ARFGEF3: variants seen among roughly 807,000 people sequenced by gnomAD.
The protein encoded by ARFGEF3 is ARFGEF family member 3, also known as brefeldin A-inhibited guanine nucleotide-exchange protein 3.
In ARFGEF3, 96 loss-of-function variants were observed where a neutral mutation model predicts 221.7. The observed-to-expected ratio is 0.43, with a 90% CI of 0.37 to 0.51. ARFGEF3 has a LOEUF of 0.51. Ranked by LOEUF, ARFGEF3 falls within the 20% of genes least tolerant of loss-of-function variation. ARFGEF3 has a pLI of 0.00. For missense variants in ARFGEF3, 2,410 were observed against 2,789.9 expected, an observed-to-expected ratio of 0.86 and a Z score of 3.07; for synonymous variants, 1,145 against 1,126.8, an observed-to-expected ratio of 1.02 and a Z score of -0.32.
intron 4 of ARFGEF3, among the ~76,000 whole-genome samples, chr6:138,229,219 CACTG>C (rs554278610): frequency 1.3e-5 from 2 of 152,292 alleles, no homozygotes; most frequent in East Asian, 3.9e-4. Context: ...TAGAAAATGA[CACTG>C]ACATTTGAGT....
chr6:138,287,075 C>A lies in ARFGEF3; in HGVS notation c.2787C>A (p.Gly929=). 6.4e-7 allele frequency: 1 copy of A among 1,568,560 alleles called. No homozygotes were observed. Among genetic ancestry groups the A allele is most frequent in the Non-Finnish European group, 8.6e-7 (1 of 1,156,290 alleles). The change falls in exon 17 of 34, where the codon GGC becomes GGA. Residue 929 remains glycine, a splice_region_variant and synonymous_variant. Transcript: ENST00000251691. ...AGTCATTGTGTGTCTCCTCTGAAGGCGTTGCTGCTAACTGCGCCTCAGCCC... is the reference window on the plus strand; with the variant it reads ...AGTCATTGTGTGTCTCCTCTGAAGGAGTTGCTGCTAACTGCGCCTCAGCCC... The part of the protein sequence containing the change: ...RKAARLSCAL[G]VAANCASALA...
chr6:138,326,627 C>T (rs6904568), intron 31 of ARFGEF3, among the ~76,000 whole-genome samples: 22,793 of 152,016 alleles, frequency 0.15, 2,957 homozygotes, highest in African/African-American at 0.36. Context: ...CTGGTGAGGT[C>T]GTAGAGAAAA....
chr6:138,258,130 G>C (rs1347486085), intron 10 of ARFGEF3, among the ~76,000 whole-genome samples: 5 of 152,098 alleles, frequency 3.3e-5, no homozygotes, highest in African/African-American at 4.8e-5. Context: ...CCGAGTTACT[G>C]TGCCCAGCTT....
Position 138,308,819 on chromosome 6 carries a change from A to G in ARFGEF3, c.4054A>G (p.Thr1352Ala). Residue 1352 changes from threonine (T) to alanine (A), a missense_variant, in exon 24 of 34, where the codon ACT becomes GCT. Physicochemically the swap from Thr to Ala is moderately conservative, Grantham distance 58. Around this residue, in one of 5 missense-constraint regions of ARFGEF3, gnomAD observed 723 missense variants for 991.9 expected, o/e 0.73. Transcript: ENST00000251691. ...CATCCAGGTCTTTGCTAATGCAGCCACTAGCTACATCATGTGCCTTATGAA... is the reference window on the plus strand; with the variant it reads ...CATCCAGGTCTTTGCTAATGCAGCCGCTAGCTACATCATGTGCCTTATGAA... ...DNIQVFANAA[T>A]SYIMCLMKFV... 1 of 1,614,074 alleles carries G rather than the reference A, an allele frequency of 6.2e-7. No individual in the cohort carries two copies. Among genetic ancestry groups the G allele is most frequent in the Non-Finnish European group, 8.5e-7 (1 of 1,179,908 alleles).
At position 138,168,872 on chromosome 6, in the gene ARFGEF3, A is replaced by G. The variant is rs112594805; in HGVS notation, c.86-1790A>G. Among the ~76,000 whole-genome samples, 747 of 152,288 alleles carry G rather than the reference A, an allele frequency of 4.9e-3. 8 individuals are homozygous for G. The highest frequency in any genetic ancestry group is 0.017 in the African/African-American group (689 of 41,552). On this transcript the variant is annotated intron_variant, in intron 1 of 33. Coordinates refer to ENST00000251691, the MANE Select transcript of ARFGEF3 (RefSeq NM_020340.5). Reference sequence around the variant, plus strand: ...CTTCCTGGCGTTTATCATGCTTTGAAATGAGAATGTGCACTCCATGAATTC... The same window carrying G: ...CTTCCTGGCGTTTATCATGCTTTGAGATGAGAATGTGCACTCCATGAATTC...
At chr6:138,185,995 CACTT>C in intron 2 of ARFGEF3, among the ~76,000 whole-genome samples, 1 of 152,308 alleles carries the variant, frequency 6.6e-6, no homozygotes, top group Non-Finnish European at 1.5e-5. Flanking sequence ...GTGATAAAAT[CACTT>C]GCTTGAGGTC....
chr6:138,243,849 T>C (rs1306893425), intron 7 of ARFGEF3, among the ~76,000 whole-genome samples: 2 of 152,190 alleles, frequency 1.3e-5, no homozygotes, highest in Non-Finnish European at 2.9e-5. Flanking sequence ...TAGAGTTGTT[T>C]CACTAGAGTA....
chr6:138,177,361 C>T (rs907066486), intron 2 of ARFGEF3, among the ~76,000 whole-genome samples: 1 of 152,114 alleles, frequency 6.6e-6, no homozygotes, highest in Non-Finnish European at 1.5e-5. Flanking sequence ...TCAAGTGATT[C>T]ACCTGCCTCA....
In ARFGEF3 at chr6:138,262,158, CAAG is replaced by C. The variant is rs1227236850; in HGVS notation, c.1217+523_1217+525del. ...ATTTGTACCCAAAAAACCAGTGAGC[CAAG>C]AAGGAGTGTGATTCAATGCAGACCA... is the stretch of plus-strand genomic sequence containing the variant. On this transcript the variant is annotated intron_variant, in intron 11 of 33. Coordinates refer to ENST00000251691, the MANE Select transcript of ARFGEF3 (RefSeq NM_020340.5). Among the ~76,000 whole-genome samples, 5 of 149,998 alleles carry C rather than the reference CAAG, an allele frequency of 3.3e-5. No homozygotes were observed. The South Asian group carries it at 8.5e-4, about 25-fold the overall frequency.
At chr6:138,224,151 C>T (rs375861307) in intron 4 of ARFGEF3, among the ~76,000 whole-genome samples, 1 of 152,272 alleles carries the variant, frequency 6.6e-6, no homozygotes, top group South Asian at 2.1e-4. Context: ...TCTGTTGGAA[C>T]CTTGATAGAA....
At chr6:138,202,570 G>C (rs952761303) in intron 2 of ARFGEF3, among the ~76,000 whole-genome samples, 5 of 151,764 alleles carry the variant, frequency 3.3e-5, no homozygotes, top group African/African-American at 2.4e-5. Flanking sequence ...TGGCCCTGCT[G>C]CCAACCATGT....
chr6:138,228,066 C>G (rs533882610), intron 4 of ARFGEF3, among the ~76,000 whole-genome samples: 8 of 152,304 alleles, frequency 5.3e-5, no homozygotes, highest in African/African-American at 1.7e-4. Flanking sequence ...CCTACCAAAT[C>G]CCAGTTCCCA....
intron 29 of ARFGEF3, among the ~76,000 whole-genome samples, chr6:138,321,759 T>C (rs1780031535): frequency 6.6e-6 from 1 of 152,158 alleles, no homozygotes; most frequent in Non-Finnish European, 1.5e-5. Context: ...AATAATTATA[T>C]CAAAGAGATA....
intron 4 of ARFGEF3, among the ~76,000 whole-genome samples, chr6:138,212,971 C>A (rs763719651): frequency 6.6e-6 from 1 of 151,870 alleles, no homozygotes; most frequent in African/African-American, 2.4e-5. Flanking sequence ...TGTAAGAAAC[C>A]TTCAATTGTG....
chr6:138,310,978 T>C (rs1241091286), intron 24 of ARFGEF3, among the ~76,000 whole-genome samples: 1 of 152,168 alleles, frequency 6.6e-6, no homozygotes, highest in Non-Finnish European at 1.5e-5. Context: ...TCCAGCCCAA[T>C]CCAGGACTTG....
chr6:138,316,254 T>A (rs1389218185), intron 26 of ARFGEF3, among the ~76,000 whole-genome samples: 2 of 152,178 alleles, frequency 1.3e-5, no homozygotes, highest in South Asian at 4.1e-4. Context: ...TATGTAGACA[T>A]AGTAAATCAG....
intron 2 of ARFGEF3, among the ~76,000 whole-genome samples, chr6:138,206,662 T>C (rs140952614): frequency 1.8e-3 from 277 of 152,350 alleles, no homozygotes; most frequent in Non-Finnish European, 2.4e-3. Flanking sequence ...AGAAATCTAC[T>C]TAATGATGCT....
chr6:138,296,901 G>A lies in ARFGEF3; in HGVS notation c.3594G>A (p.Arg1198=). ...AMLRIVRSKA[R]PLLHVMRCWS... Reference sequence around the variant, plus strand: ...TGAGGATTGTGCGGAGCAAAGCACGGCCCCTGCTCCACGTGATGCGCTGCT... The same window carrying A: ...TGAGGATTGTGCGGAGCAAAGCACGACCCCTGCTCCACGTGATGCGCTGCT... Residue 1198 remains arginine (R), a synonymous_variant, in exon 21 of 34, where the codon CGG becomes CGA. Transcript: ENST00000251691. 1 of 1,613,982 alleles carries A rather than the reference G, an allele frequency of 6.2e-7. No individual in the cohort carries two copies. Among genetic ancestry groups the A allele is most frequent in the Non-Finnish European group, 8.5e-7 (1 of 1,179,872 alleles).
chr6:138,282,254 C>G (rs542536675), intron 14 of ARFGEF3, among the ~76,000 whole-genome samples: 1 of 152,246 alleles, frequency 6.6e-6, no homozygotes, highest in African/African-American at 2.4e-5. Context: ...CGCACCCACC[C>G]TCCCCAGACT....
Sources: allele counts gnomAD v4.1 joint callset (sites outside exome capture counted in the v4.1 genomes callset), GRCh38; gene constraint gnomAD v4.1.1; regional missense constraint gnomAD v4.1.1; transcripts MANE v1.5; gene names NCBI Gene and HGNC (gene_info 2026-07-23, HGNC 2026-07-21).